The following GALNT15 variants were observed in gnomAD, a reference collection of about 807,000 sequenced individuals.
The protein encoded by GALNT15 is UDP-GalNAc transferase T15.
A neutral mutation model predicts 66.8 loss-of-function variants in GALNT15; 67 were observed. The observed-to-expected ratio is 1.00, with a 90% CI of 0.82 to 1.23. GALNT15 has a LOEUF of 1.23. Among genes scored for constraint, GALNT15 ranks in the 50% most tolerant of loss-of-function variants. GALNT15 has a pLI of 0.00. For missense variants in GALNT15, 827 were observed against 804.3 expected (o/e 1.03, Z -0.34); for synonymous variants, 313 against 311.5 (o/e 1.00, Z -0.05).
chr3:16,193,072 T>C lies in GALNT15; in HGVS notation c.540-2688T>C, dbSNP rs1347675838. ...AGCTAGGTAAAGGGAACATAGGAACTCTCAGTTTCTTGTCAGTCTTAAACG... is the reference window on the plus strand; with the variant it reads ...AGCTAGGTAAAGGGAACATAGGAACCCTCAGTTTCTTGTCAGTCTTAAACG... On this transcript the variant is annotated intron_variant, in intron 1 of 9. Transcript: ENST00000339732. The surrounding 1 kb of genome is among the most constrained non-coding windows in gnomAD (Gnocchi z 4.7). 6.6e-6 allele frequency among the ~76,000 whole-genome samples: 1 copy of C among 152,204 alleles called. No individual in the cohort carries two copies. Among genetic ancestry groups the C allele is most frequent in the Non-Finnish European group, 1.5e-5 (1 of 68,038 alleles).
At chr3:16,215,916 A>AAACAAAAAAAAAAAAAAAAAAAAAAC (rs1019009823) in intron 6 of GALNT15, among the ~76,000 whole-genome samples, 6 of 143,454 alleles carry the variant, frequency 4.2e-5, no homozygotes, top group Non-Finnish European at 6.1e-5. Context: ...CAAAAAAAAA[A>AAACAAAAAAAAAAAAAAAAAAAAAAC]AAAAAAAAAG....
intron 1 of GALNT15, among the ~76,000 whole-genome samples, chr3:16,190,767 T>TACCC (rs369470047): frequency 1.3e-5 from 2 of 152,216 alleles, no homozygotes; most frequent in African/African-American, 4.8e-5. Context: ...AGCCATGTTG[T>TACCC]GGGTGCTGGG....
intron 6 of GALNT15, among the ~76,000 whole-genome samples, chr3:16,213,334 G>T (rs776365739): frequency 9.3e-5 from 14 of 150,200 alleles, no homozygotes; most frequent in Non-Finnish European, 3.0e-5. Flanking sequence ...GGGCGCCTGT[G>T]GTCCCTGCTA....
chr3:16,221,465 T>C (rs1030889921), intron 8 of GALNT15, among the ~76,000 whole-genome samples: 2 of 152,034 alleles, frequency 1.3e-5, no homozygotes, highest in East Asian at 1.9e-4. Context: ...AGTAGAGGAA[T>C]TGGACATGGG....
rs951413300 is a variant in GALNT15 at position 16,197,733 on chromosome 3, C to T, written c.706+1807C>T. ...AAATCATTAAATCAGAAAATGCTTG[C>T]GATGACCAGCCCATGATGACCCTTT... On this transcript the variant is annotated intron_variant, in intron 2 of 9. Coordinates refer to ENST00000339732, the MANE Select transcript of GALNT15 (RefSeq NM_054110.5). Among the ~76,000 whole-genome samples the T allele has an allele frequency of 4.6e-5, 7 of 152,238 alleles. No individual in the cohort carries two copies. In the East Asian group the frequency reaches 5.8e-4, roughly 13 times the overall value.
In GALNT15 at chr3:16,229,304, G is replaced by A; in HGVS notation, c.*1804G>A. Reference sequence around the variant, plus strand: ...AATATGGTAGCCACTAACAAAATGTGGCCATTTTGATGGAAATCCATTAAA... The same window carrying A: ...AATATGGTAGCCACTAACAAAATGTAGCCATTTTGATGGAAATCCATTAAA... On this transcript the variant is annotated 3_prime_UTR_variant, in exon 10 of 10. Coordinates refer to ENST00000339732, the MANE Select transcript of GALNT15 (RefSeq NM_054110.5). 2.1e-6 allele frequency: 2 copies of A among 953,428 alleles called. No individual in the cohort carries two copies. Among genetic ancestry groups the A allele is most frequent in the Non-Finnish European group, 2.5e-6 (2 of 800,876 alleles). 59.1% of individuals were successfully genotyped at this position (953,428 alleles called of 1,614,324 possible).
At chr3:16,196,287 G>A (rs2063636930) in intron 2 of GALNT15, among the ~76,000 whole-genome samples, 1 of 152,120 alleles carries the variant, frequency 6.6e-6, no homozygotes, top group African/African-American at 2.4e-5. Context: ...CCTGTTGTGA[G>A]TGCTCACTGC....
rs1432674412 is a variant in GALNT15 at position 16,200,784 on chromosome 3, G to C, written c.872G>C (p.Gly291Ala). The change falls in exon 3 of 10, where the codon GGC (glycine) becomes GCC (alanine). Residue 291 changes from glycine (G) to alanine (A), a missense_variant. Transcript: ENST00000339732. This position sits in a 1 kb window ranked among gnomAD's most constrained non-coding sequence, Gnocchi z 4.4. ...GATGCCCACTGCGAGTGCCACCCAGGCTGGCTGGAGCCCCTCCTCAGCAGA... is the reference window on the plus strand; with the variant it reads ...GATGCCCACTGCGAGTGCCACCCAGCCTGGCTGGAGCCCCTCCTCAGCAGA... ...FMDAHCECHP[G>A]WLEPLLSRIA... 6.8e-6 allele frequency: 11 copies of C among 1,611,096 alleles called. No individual in the cohort carries two copies. The highest frequency in any genetic ancestry group is 7.6e-6 in the Non-Finnish European group (9 of 1,178,994).
downstream of GALNT15, among the ~76,000 whole-genome samples, chr3:16,233,405 A>G (rs149213956): frequency 1.2e-4 from 18 of 152,222 alleles, no homozygotes; most frequent in East Asian, 2.3e-3. Context: ...AGGATAATGT[A>G]TCCTGTTCAA....
chr3:16,235,889 G>A (rs561416515), downstream of GALNT15, among the ~76,000 whole-genome samples: 61 of 152,020 alleles, frequency 4.0e-4, no homozygotes, highest in Middle Eastern at 0.01. Context: ...CAGATCACTT[G>A]AGGTCAGGAG....
Position 16,211,073 on chromosome 3 carries a change from G to T in GALNT15, c.1080-51G>T. ...GAAGCCCCAGCCCCCAGCCTCGCCT[G>T]CTGTGCTCTGGGTTCTGAACTGCAG... On this transcript the variant is annotated intron_variant, in intron 4 of 9. Transcript: ENST00000339732. The surrounding 1 kb of genome is among the most constrained non-coding windows in gnomAD (Gnocchi z 4.3). 1 of 1,378,990 alleles carries T rather than the reference G, an allele frequency of 7.3e-7. No individual in the cohort carries two copies. The highest frequency in any genetic ancestry group is 2.3e-5 in the East Asian group (1 of 43,670). 85.4% of individuals were successfully genotyped at this position (1,378,990 alleles called of 1,614,324 possible).
At chr3:16,218,413 G>T (rs1307391456) in intron 6 of GALNT15, among the ~76,000 whole-genome samples, 1 of 152,058 alleles carries the variant, frequency 6.6e-6, no homozygotes. Flanking sequence ...TTCCCTAAAA[G>T]TATCCAAGAT....
chr3:16,217,534 A>G (rs1036437330), intron 6 of GALNT15, among the ~76,000 whole-genome samples: 1 of 152,206 alleles, frequency 6.6e-6, no homozygotes, highest in Non-Finnish European at 1.5e-5. Flanking sequence ...TGCCCTAAAG[A>G]TTTCTATTTC....
chr3:16,177,052 A>G (rs1163419253), intron 1 of GALNT15, among the ~76,000 whole-genome samples: 1 of 152,182 alleles, frequency 6.6e-6, no homozygotes, highest in Non-Finnish European at 1.5e-5. Flanking sequence ...CTGGAGTTTT[A>G]ACTCACAGCA....
At chr3:16,185,694 C>A (rs1449909288) in intron 1 of GALNT15, among the ~76,000 whole-genome samples, 1 of 152,172 alleles carries the variant, frequency 6.6e-6, no homozygotes, top group Non-Finnish European at 1.5e-5. Flanking sequence ...CCCTTTATGA[C>A]TCTGAATCCA....
intron 1 of GALNT15, among the ~76,000 whole-genome samples, chr3:16,185,102 C>A (rs1174284927): frequency 6.6e-6 from 1 of 152,196 alleles, no homozygotes; most frequent in African/African-American, 2.4e-5. Flanking sequence ...ATGTCTATTT[C>A]ATTCATCTTT....
chr3:16,232,501 TATA>T (rs2064094353), downstream of GALNT15, among the ~76,000 whole-genome samples: 4 of 89,090 alleles, frequency 4.5e-5, no homozygotes, highest in African/African-American at 1.4e-4. Context: ...TATATATATA[TATA>T]TATATATTTA....
the GALNT15 span, among the ~76,000 whole-genome samples, chr3:16,242,666 C>T: frequency 6.6e-6 from 1 of 152,214 alleles, no homozygotes; most frequent in South Asian, 2.1e-4. The surrounding 1 kb of genome is among the most constrained non-coding windows in gnomAD (Gnocchi z 5.6). Context: ...GTAGTCCCAG[C>T]TACTCAGGAG....
At chr3:16,232,471 T>TAA (rs201364608), downstream of GALNT15, among the ~76,000 whole-genome samples, 4,982 of 43,410 alleles carry the variant, frequency 0.11, 375 homozygotes, top group Non-Finnish European at 0.13. Context: ...AATAAATAAA[T>TAA]ATATATATAT....
Sources: gnomAD v4.1 joint callset for allele counts (sites outside exome capture counted in the v4.1 genomes callset) on GRCh38, gnomAD v4.1.1 for gene constraint, Gnocchi (gnomAD v3.1) non-coding constraint, MANE v1.5 for transcripts, NCBI Gene and HGNC (gene_info 2026-07-23, HGNC 2026-07-21) for gene names.